COL24A1: variants seen among roughly 807,000 people sequenced by gnomAD.
COL24A1 encodes collagen type XXIV alpha 1 chain.
Under a neutral mutation model 253.9 loss-of-function variants are expected in COL24A1, and 224 were observed. The observed-to-expected ratio is 0.88, with a 90% CI of 0.79 to 0.99. The LOEUF is 0.99. COL24A1 is among the 50% of genes least tolerant of loss of function. COL24A1 has a pLI of 0.00. For synonymous variants in COL24A1, 685 were observed against 673.7 expected (o/e 1.02, Z -0.26); for missense variants, 2,131 against 2,068.5 (o/e 1.03, Z -0.59).
intron 5 of COL24A1, among the ~76,000 whole-genome samples, chr1:86,099,144 A>G (rs1417564881): frequency 6.6e-6 from 1 of 152,218 alleles, no homozygotes; most frequent in Non-Finnish European, 1.5e-5. Flanking sequence ...TAGAAAAATA[A>G]TAAAGAAAAC....
chr1:86,132,592 A>T (rs1461068373), intron 2 of COL24A1, among the ~76,000 whole-genome samples: 2 of 152,224 alleles, frequency 1.3e-5, no homozygotes, highest in African/African-American at 4.8e-5. Context: ...GTGGCTAGCC[A>T]GTTTTCCCAG....
intron 4 of COL24A1, 23 bp downstream of exon 4, chr1:86,115,302 G>A (rs1706032207): frequency 6.2e-7 from 1 of 1,611,464 alleles, no homozygotes; most frequent in Non-Finnish European, 8.5e-7. Flanking sequence ...ACTGCCAGCA[G>A]GAAATATAGC....
At chr1:85,744,078 G>T (rs990224012) in intron 57 of COL24A1, among the ~76,000 whole-genome samples, 2 of 151,952 alleles carry the variant, frequency 1.3e-5, no homozygotes, top group African/African-American at 2.4e-5. Context: ...AGCAGACAAG[G>T]TTTCCCCTGT....
chr1:85,738,297 A>G (rs1167926298), intron 57 of COL24A1, among the ~76,000 whole-genome samples: 3 of 152,194 alleles, frequency 2.0e-5, no homozygotes, highest in Admixed American at 2.0e-4. Context: ...TATAATACTG[A>G]TAAGTAAAAT....
chr1:86,093,196 A>T (rs1703632593), intron 5 of COL24A1, among the ~76,000 whole-genome samples: 1 of 152,068 alleles, frequency 6.6e-6, no homozygotes, highest in South Asian at 2.1e-4. Flanking sequence ...AGGATGAAAT[A>T]CCAAAAGAAA....
chr1:86,119,746 G>A (rs1456932027), intron 3 of COL24A1, among the ~76,000 whole-genome samples: 1 of 152,090 alleles, frequency 6.6e-6, no homozygotes, highest in Non-Finnish European at 1.5e-5. Flanking sequence ...AGATACAGTT[G>A]CCTTTATTTT....
intron 20 of COL24A1, among the ~76,000 whole-genome samples, chr1:85,975,365 G>A (rs1411397544): frequency 6.6e-6 from 1 of 152,088 alleles, no homozygotes; most frequent in Non-Finnish European, 1.5e-5. Context: ...ATCAACATAA[G>A]TATCCACCAA....
At chr1:86,128,550 C>T (rs1648670541) in intron 2 of COL24A1, among the ~76,000 whole-genome samples, 1 of 151,978 alleles carries the variant, frequency 6.6e-6, no homozygotes, top group African/African-American at 2.4e-5. Context: ...AACATCTCCC[C>T]TTGCATTTAT....
intron 37 of COL24A1, among the ~76,000 whole-genome samples, chr1:85,858,248 C>G (rs1451930647): frequency 6.6e-6 from 1 of 152,190 alleles, no homozygotes; most frequent in Non-Finnish European, 1.5e-5. Context: ...TGTTCAAAAC[C>G]TTCCAAATGA....
chr1:86,042,224 G>GAA (rs1171719170), intron 12 of COL24A1, among the ~76,000 whole-genome samples: 1 of 151,688 alleles, frequency 6.6e-6, no homozygotes, highest in East Asian at 1.9e-4. Flanking sequence ...ATACAAGGAA[G>GAA]AAAAAAAACA....
rs189891301 is a variant in COL24A1 at position 86,126,059 on chromosome 1, G to T, written c.277C>A (p.Pro93Thr). 21 of 1,613,446 alleles carry T rather than the reference G, an allele frequency of 1.3e-5. No individual in the cohort carries two copies. Among genetic ancestry groups the T allele is most frequent in the Non-Finnish European group, 1.8e-5 (21 of 1,179,784 alleles). Residue 93 changes from proline to threonine, a missense_variant, in exon 3 of 60, where the codon CCT (proline) becomes ACT (threonine). Physicochemically the swap from Pro to Thr is conservative, Grantham distance 38 (BLOSUM62 -1). Coordinates refer to ENST00000370571, the MANE Select transcript of COL24A1 (RefSeq NM_152890.7). ...IFKNDAYIETPFVKILPVNLG... is the reference protein window; with the variant it reads ...IFKNDAYIETTFVKILPVNLG... Reference sequence around the variant, plus strand: ...TTGACTGGTAAAATTTTCACGAAAGGTGTCTCGATATAAGCATCATTTTTA... The same window carrying T: ...TTGACTGGTAAAATTTTCACGAAAGTTGTCTCGATATAAGCATCATTTTTA...
chr1:86,152,559 G>T (rs902236769), intron 1 of COL24A1, among the ~76,000 whole-genome samples: 14 of 152,110 alleles, frequency 9.2e-5, no homozygotes, highest in Non-Finnish European at 2.1e-4. Flanking sequence ...CTGGTCTCAG[G>T]CATTTTAGAT....
chr1:85,867,386 G>A (rs957459097), intron 37 of COL24A1, among the ~76,000 whole-genome samples: 1 of 152,248 alleles, frequency 6.6e-6, no homozygotes, highest in Admixed American at 6.5e-5. Context: ...ATGGGAAGGA[G>A]TAAAGACAGA....
intron 19 of COL24A1, among the ~76,000 whole-genome samples, chr1:85,992,513 C>T (rs4272648): frequency 0.47 from 70,995 of 151,946 alleles, 16,972 homozygotes; most frequent in East Asian, 0.61. Flanking sequence ...ATAAAGGAAA[C>T]CTTTTTTTTA....
rs377523772 is a variant in COL24A1, at chr1:85,857,592, T to C, written c.3301-8186A>G. On this transcript the variant is annotated intron_variant, in intron 37 of 59. Transcript: ENST00000370571. ...TGTCCCAATTAGCACAAATAACACC[T>C]GCATCAATATCCAAGGCATCCTCAT... Among the ~76,000 whole-genome samples, 363 of 152,150 alleles carry C rather than the reference T, an allele frequency of 2.4e-3. 5 individuals carry two copies. Among genetic ancestry groups the C allele is most frequent in the African/African-American group, 8.4e-3 (348 of 41,500 alleles).
chr1:85,731,273 T>C (rs1177651162), intron 59 of COL24A1, among the ~76,000 whole-genome samples: 3 of 152,132 alleles, frequency 2.0e-5, no homozygotes, highest in Non-Finnish European at 2.9e-5. Context: ...CAAAAACATA[T>C]CATAAGATAT....
intron 2 of COL24A1, among the ~76,000 whole-genome samples, chr1:86,144,099 C>A (rs563832732): frequency 6.6e-6 from 1 of 152,034 alleles, no homozygotes; most frequent in African/African-American, 2.4e-5. Context: ...ATTCAATTTT[C>A]TAAAGTCTGA....
intron 43 of COL24A1, among the ~76,000 whole-genome samples, chr1:85,833,866 A>C (rs1488751404): frequency 6.6e-6 from 1 of 151,484 alleles, no homozygotes; most frequent in Non-Finnish European, 1.5e-5. Context: ...TATGGCAAGG[A>C]CAAAAAACCA....
At chr1:85,914,747 A>G (rs1685727829) in intron 24 of COL24A1, among the ~76,000 whole-genome samples, 1 of 152,170 alleles carries the variant, frequency 6.6e-6, no homozygotes, top group Non-Finnish European at 1.5e-5. Flanking sequence ...GTATCTAAGT[A>G]TGGTTAATTT....
Sources: allele counts gnomAD v4.1 joint callset (sites outside exome capture counted in the v4.1 genomes callset), GRCh38; gene constraint gnomAD v4.1.1; transcripts MANE v1.5; gene names NCBI Gene and HGNC (gene_info 2026-07-23, HGNC 2026-07-21).